The following SSBP3 variants were observed in gnomAD, a reference collection of about 807,000 sequenced individuals.
SSBP3 encodes the protein single-stranded DNA-binding protein 3.
In SSBP3, 5 loss-of-function variants were observed where a neutral mutation model predicts 69.6. The ratio of observed to expected loss-of-function variants is 0.07; its 90% CI spans 0.04 to 0.15. SSBP3 has a LOEUF of 0.15. SSBP3 is among the 10% of genes least tolerant of loss of function. The pLI is 1.00. For synonymous variants in SSBP3, 196 were observed against 193.4 expected (o/e 1.01, Z -0.11); for missense variants, 312 against 534.0 (o/e 0.58, Z 4.10).
rs183589105 is a variant in SSBP3 at position 54,314,013 on chromosome 1, C to T, written c.277-32486G>A. On this transcript the variant is annotated intron_variant, in intron 4 of 17. Transcript: ENST00000610401. ...TCCTGACATCAGGTGATCCACCCGCCTCGGCCTCCCAAAGTGCTGGGATTA... is the reference window on the plus strand; with the variant it reads ...TCCTGACATCAGGTGATCCACCCGCTTCGGCCTCCCAAAGTGCTGGGATTA... Among the ~76,000 whole-genome samples the T allele has an allele frequency of 3.9e-3, 597 of 152,332 alleles. 3 individuals are homozygous for T. Among genetic ancestry groups the T allele is most frequent in the Non-Finnish European group, 6.1e-3 (417 of 68,036 alleles).
intron 4 of SSBP3, among the ~76,000 whole-genome samples, chr1:54,383,702 G>C (rs1647858279): frequency 6.6e-6 from 1 of 152,116 alleles, no homozygotes; most frequent in Non-Finnish European, 1.5e-5. Flanking sequence ...TCAGAAGTGG[G>C]CTATTTTCCA....
chr1:54,342,127 C>T (rs1350803097), intron 4 of SSBP3, among the ~76,000 whole-genome samples: 1 of 152,174 alleles, frequency 6.6e-6, no homozygotes, highest in African/African-American at 2.4e-5. Context: ...AGGAGAGGTA[C>T]TGATGGCCCA....
intron 4 of SSBP3, among the ~76,000 whole-genome samples, chr1:54,328,248 A>G (rs981689381): frequency 2.2e-4 from 33 of 152,316 alleles, no homozygotes; most frequent in African/African-American, 7.9e-4. Flanking sequence ...GTGTGTTCAC[A>G]ACAAGGAACA....
intron 14 of SSBP3, chr1:54,238,260 A>G (rs960802234): frequency 4.5e-5 from 21 of 470,978 alleles, no homozygotes; most frequent in African/African-American, 3.2e-4. Context: ...CAACAAAACC[A>G]GAGTGCCCCA....
intron 9 of SSBP3, among the ~76,000 whole-genome samples, chr1:54,246,432 G>A (rs1311957695): frequency 2.6e-5 from 4 of 152,182 alleles, no homozygotes; most frequent in East Asian, 1.9e-4. Flanking sequence ...GACTGCAGCC[G>A]CCTCTCCCAT....
intron 4 of SSBP3, among the ~76,000 whole-genome samples, chr1:54,288,126 G>A (rs1415468868): frequency 1.3e-5 from 2 of 152,122 alleles, no homozygotes; most frequent in African/African-American, 2.4e-5. Context: ...ATTTGGGGTC[G>A]CTCCCAGCGG....
At chr1:54,229,122 C>T (rs1006911354) in intron 14 of SSBP3, among the ~76,000 whole-genome samples, 2 of 152,232 alleles carry the variant, frequency 1.3e-5, no homozygotes, top group African/African-American at 4.8e-5. Context: ...CGGATCCCAC[C>T]ACAGGGCCCT....
At chr1:54,244,629 C>T (rs985413309) in intron 9 of SSBP3, among the ~76,000 whole-genome samples, 4 of 152,210 alleles carry the variant, frequency 2.6e-5, no homozygotes, top group Non-Finnish European at 5.9e-5. Flanking sequence ...TGAGGCACAG[C>T]GGGGTGGGTC....
At chr1:54,405,476 G>C (rs1024098101) in intron 1 of SSBP3, 2 of 158,282 alleles carry the variant, frequency 1.3e-5, no homozygotes, top group African/African-American at 4.8e-5. Flanking sequence ...ACAGGGAAGG[G>C]AGAGCGCTCC....
At chr1:54,252,573 T>C (rs1570266291) in intron 7 of SSBP3, among the ~76,000 whole-genome samples, 1 of 151,410 alleles carries the variant, frequency 6.6e-6, no homozygotes, top group Admixed American at 6.6e-5. Flanking sequence ...GGGGCAGGGG[T>C]ACTAGACGAG....
intron 4 of SSBP3, among the ~76,000 whole-genome samples, chr1:54,308,567 C>T (rs1468509004): frequency 1.4e-5 from 2 of 145,164 alleles, no homozygotes; most frequent in Non-Finnish European, 3.0e-5. Flanking sequence ...CGCCACTGCA[C>T]TCCAGCCTGG....
intron 4 of SSBP3, among the ~76,000 whole-genome samples, chr1:54,330,649 AC>A (rs561551549): frequency 6.0e-4 from 92 of 152,320 alleles, no homozygotes; most frequent in African/African-American, 2.0e-3. Context: ...CAAGGTGAGG[AC>A]ACGGGCTCTA....
intron 4 of SSBP3, among the ~76,000 whole-genome samples, chr1:54,360,534 C>A (rs974013850): frequency 6.6e-6 from 1 of 152,140 alleles, no homozygotes; most frequent in African/African-American, 2.4e-5. Context: ...AGCCTGTGAC[C>A]CAGGTAAACT....
intron 4 of SSBP3, among the ~76,000 whole-genome samples, chr1:54,322,299 G>A (rs1244504711): frequency 6.6e-6 from 1 of 152,194 alleles, no homozygotes; most frequent in African/African-American, 2.4e-5. Flanking sequence ...TCGCAGCACT[G>A]CTGGTGAAGT....
rs561522211 is a variant in SSBP3, at chr1:54,374,458, T to C, written c.276+27403A>G. Among the ~76,000 whole-genome samples, 10 of 152,344 alleles carry C rather than the reference T, an allele frequency of 6.6e-5. No individual in the cohort carries two copies. The East Asian group carries it at 1.9e-3, about 29-fold the overall frequency. On this transcript the variant is annotated intron_variant, in intron 4 of 17. Coordinates refer to ENST00000610401, the Ensembl canonical transcript of SSBP3. ...CCTGCTGGCCCTGCTCCTTCCCATC[T>C]AAAAGTTCTTGACCTGTCCAAGCCT... is the stretch of plus-strand genomic sequence containing the variant.
At chr1:54,405,144 G>A (rs951009054) in intron 1 of SSBP3, among the ~76,000 whole-genome samples, 4 of 152,180 alleles carry the variant, frequency 2.6e-5, no homozygotes, top group East Asian at 1.9e-4. Flanking sequence ...AGCGGTGAGG[G>A]ATGGAGAGCA....
intron 10 of SSBP3, among the ~76,000 whole-genome samples, chr1:54,242,439 A>T (rs1344849916): frequency 6.6e-6 from 1 of 152,256 alleles, no homozygotes; most frequent in Non-Finnish European, 1.5e-5. Context: ...ATAAAATTAG[A>T]TAAAAAATAT....
At chr1:54,298,851 G>A (rs550431150) in intron 4 of SSBP3, among the ~76,000 whole-genome samples, 7 of 151,564 alleles carry the variant, frequency 4.6e-5, no homozygotes, top group African/African-American at 7.3e-5. Context: ...CCATCATCTC[G>A]CTTTATCTAA....
chr1:54,296,284 A>C (rs1048921784), intron 4 of SSBP3, among the ~76,000 whole-genome samples: 2 of 152,226 alleles, frequency 1.3e-5, no homozygotes, highest in African/African-American at 4.8e-5. Context: ...GAGAGATCTG[A>C]ATGTGAATGC....
Sources: allele counts gnomAD v4.1 joint callset (sites outside exome capture counted in the v4.1 genomes callset), GRCh38; gene constraint gnomAD v4.1.1; transcripts MANE v1.5; gene names NCBI Gene and HGNC (gene_info 2026-07-23, HGNC 2026-07-21).